The following ROR1 variants were observed in gnomAD, a reference collection of about 807,000 sequenced individuals.
ROR1 encodes the protein inactive tyrosine-protein kinase transmembrane receptor ROR1.
Under a neutral mutation model 78.8 loss-of-function variants are expected in ROR1, and 19 were observed. The observed-to-expected ratio is 0.24, with a 90% confidence interval of 0.17 to 0.35. ROR1 has a LOEUF of 0.35. ROR1 is among the 10% of genes least tolerant of loss of function. ROR1 has a pLI of 1.00. For missense variants in ROR1, 917 were observed against 1,177.8 expected (o/e 0.78, Z 3.24); for synonymous variants, 386 against 433.6 (o/e 0.89, Z 1.36).
chr1:63,804,774 G>C (rs891559143), intron 1 of ROR1, among the ~76,000 whole-genome samples: 2 of 152,148 alleles, frequency 1.3e-5, no homozygotes, highest in African/African-American at 2.4e-5. Context: ...TGGCCTAGCT[G>C]CAATCTCTCC....
chr1:64,107,149 A>G (rs1445429376), intron 4 of ROR1: 24 of 152,188 alleles, frequency 1.6e-4, no homozygotes, highest in Admixed American at 1.6e-3. Flanking sequence ...ACTGGGCGTT[A>G]TATTAAGTGC....
chr1:64,053,548 A>G lies in ROR1; in HGVS notation c.482+2832A>G, dbSNP rs182358423. 7.3e-3 allele frequency among the ~76,000 whole-genome samples: 1,107 copies of G among 152,316 alleles called. 3 individuals are homozygous for G. The highest frequency in any genetic ancestry group is 0.015 in the Admixed American group (229 of 15,290). On this transcript the variant is annotated intron_variant, in intron 4 of 8. Transcript: ENST00000371079. ...TTATAGGACCTGGGGCATGAGTACA[A>G]GCAGAGGTTCACATACCATATGTCT...
chr1:63,988,937 G>A lies in ROR1; in HGVS notation c.92-20368G>A, dbSNP rs768480721. Among the ~76,000 whole-genome samples the A allele has an allele frequency of 3.9e-5, 6 of 152,120 alleles. 1 individual carries two copies. The highest frequency in any genetic ancestry group is 1.2e-4 in the African/African-American group (5 of 41,416). ...TTTTGGTTGTTATAAATGCTGCCAT[G>A]AGTATGGGTGTGCATATTTGAGTCC... On this transcript the variant is annotated intron_variant, in intron 1 of 8. Transcript: ENST00000371079.
At chr1:64,014,759 T>TAA (rs1183482060) in intron 2 of ROR1, among the ~76,000 whole-genome samples, 2 of 41,758 alleles carry the variant, frequency 4.8e-5, no homozygotes, top group Non-Finnish European at 1.3e-4. Flanking sequence ...TATATATATA[T>TAA]ATATATATAT....
At chr1:63,933,972 G>A (rs780426563) in intron 1 of ROR1, among the ~76,000 whole-genome samples, 3 of 152,220 alleles carry the variant, frequency 2.0e-5, no homozygotes, top group Non-Finnish European at 4.4e-5. Flanking sequence ...GAGGGCTGAT[G>A]GGAGCACCAA....
rs190177224 is a variant in ROR1, at chr1:63,793,521, A to G, written c.91+19013A>G. 8.5e-4 allele frequency among the ~76,000 whole-genome samples: 129 copies of G among 152,364 alleles called. 1 individual carries two copies. Among genetic ancestry groups the G allele is most frequent in the Non-Finnish European group, 1.5e-3 (103 of 68,032 alleles). On this transcript the variant is annotated intron_variant, in intron 1 of 8. Transcript: ENST00000371079. ...ATGTACATCTATTATGTGTCAATAA[A>G]AAAAGTTAACCAAATGATCGATGAA...
intron 1 of ROR1, among the ~76,000 whole-genome samples, chr1:63,973,278 T>C (rs1185373466): frequency 6.6e-6 from 1 of 152,150 alleles, no homozygotes; most frequent in East Asian, 1.9e-4. Context: ...GTTGAGCAGA[T>C]GACAAGCAGA....
chr1:64,121,468 C>T (rs1648540088), intron 4 of ROR1, among the ~76,000 whole-genome samples: 1 of 152,088 alleles, frequency 6.6e-6, no homozygotes. Context: ...CCACCACTGT[C>T]CCTCCCCCGG....
At chr1:64,091,228 G>A (rs758635698) in intron 4 of ROR1, among the ~76,000 whole-genome samples, 9 of 151,908 alleles carry the variant, frequency 5.9e-5, no homozygotes, top group African/African-American at 9.7e-5. Flanking sequence ...TCCATACCCC[G>A]GCCAGTCACA....
chr1:64,024,831 T>C (rs1295789933), intron 2 of ROR1, among the ~76,000 whole-genome samples: 3 of 152,226 alleles, frequency 2.0e-5, no homozygotes, highest in African/African-American at 7.2e-5. Context: ...TATGTCATTG[T>C]TATTTTAAAT....
intron 1 of ROR1, among the ~76,000 whole-genome samples, chr1:63,963,358 G>T (rs900914439): frequency 2.5e-5 from 2 of 79,814 alleles, no homozygotes; most frequent in African/African-American, 3.1e-4. Context: ...ACCTGAGGTC[G>T]GGAGTTTGAT....
At chr1:63,835,327 T>A (rs1330522382) in intron 1 of ROR1, among the ~76,000 whole-genome samples, 1 of 152,178 alleles carries the variant, frequency 6.6e-6, no homozygotes, top group East Asian at 1.9e-4. Context: ...CTTCTGGAAC[T>A]GGAATCCACA....
chr1:63,837,297 CAGATTGTGT>C (rs1645023591), intron 1 of ROR1, among the ~76,000 whole-genome samples: 1 of 152,092 alleles, frequency 6.6e-6, no homozygotes, highest in African/African-American at 2.4e-5. Flanking sequence ...TATTCTTTTT[CAGATTGTGT>C]TATGGCTGGT....
intron 1 of ROR1, among the ~76,000 whole-genome samples, chr1:63,860,082 G>T (rs937801581): frequency 1.2e-4 from 18 of 152,198 alleles, no homozygotes. Context: ...CTGTTATGCA[G>T]TGTCATGCTA....
intron 1 of ROR1, among the ~76,000 whole-genome samples, chr1:63,798,257 G>A (rs567168933): frequency 6.6e-6 from 1 of 152,226 alleles, no homozygotes; most frequent in South Asian, 2.1e-4. Flanking sequence ...GAGCCCCCTG[G>A]TTGATTTGAC....
chr1:63,929,964 CT>C (rs529479947), intron 1 of ROR1, among the ~76,000 whole-genome samples: 45 of 152,000 alleles, frequency 3.0e-4, no homozygotes, highest in Non-Finnish European at 5.1e-4. Context: ...AGTGTTAGGA[CT>C]TTTTTTTATT....
At chr1:64,057,589 C>A (rs1219423644) in intron 4 of ROR1, among the ~76,000 whole-genome samples, 1 of 152,166 alleles carries the variant, frequency 6.6e-6, no homozygotes, top group Non-Finnish European at 1.5e-5. Flanking sequence ...AGAGATACCT[C>A]TTAAGGCCTT....
At chr1:64,066,956 A>T (rs1646960936) in intron 4 of ROR1, among the ~76,000 whole-genome samples, 1 of 152,206 alleles carries the variant, frequency 6.6e-6, no homozygotes, top group Admixed American at 6.5e-5. Flanking sequence ...TAATTATTAT[A>T]ATGGAATATC....
intron 6 of ROR1, 46 bp downstream of exon 6, chr1:64,140,472 A>T (rs528889096): frequency 1.3e-6 from 2 of 1,557,424 alleles, no homozygotes; most frequent in Admixed American, 1.8e-5. Flanking sequence ...AGGGTCAGCA[A>T]CCTGTTGGCA....
Sources: gnomAD v4.1 joint callset for allele counts (sites outside exome capture counted in the v4.1 genomes callset) on GRCh38, gnomAD v4.1.1 for gene constraint, MANE v1.5 for transcripts, NCBI Gene and HGNC (gene_info 2026-07-23, HGNC 2026-07-21) for gene names.